The following CCDC91 variants were observed in gnomAD, a reference collection of about 807,000 sequenced individuals.
The protein encoded by CCDC91 is coiled-coil domain-containing protein 91.
A neutral mutation model predicts 63.2 loss-of-function variants in CCDC91; 48 were observed. The observed-to-expected ratio is 0.76, with a 90% CI of 0.60 to 0.97. The LOEUF (loss-of-function observed/expected upper bound fraction) is 0.97. CCDC91 is among the 50% of genes least tolerant of loss of function. The pLI, the probability that CCDC91 is intolerant of heterozygous loss-of-function variation, is 0.00. For synonymous variants in CCDC91, 167 were observed against 165.8 expected (o/e 1.01, Z -0.06); for missense variants, 500 against 494.6 (o/e 1.01, Z -0.10).
At chr12:28,268,963 G>A (rs1947550414) in intron 3 of CCDC91, among the ~76,000 whole-genome samples, 1 of 152,002 alleles carries the variant, frequency 6.6e-6, no homozygotes, top group Admixed American at 6.6e-5. Flanking sequence ...AACAGTAAAT[G>A]CTTTTGCTGT....
intron 7 of CCDC91, among the ~76,000 whole-genome samples, chr12:28,390,438 G>A (rs1303675307): frequency 6.6e-6 from 1 of 151,956 alleles, no homozygotes; most frequent in Non-Finnish European, 1.5e-5. Context: ...GAATGATTTA[G>A]AGTTTATAAA....
intron 8 of CCDC91, among the ~76,000 whole-genome samples, chr12:28,426,311 C>T (rs13377647): frequency 4.7e-4 from 71 of 152,014 alleles, no homozygotes; most frequent in African/African-American, 1.6e-3. Flanking sequence ...ATTTATGCTG[C>T]GGTAGTGTTC....
chr12:28,248,241 G>A (rs1945888444), intron 1 of CCDC91, among the ~76,000 whole-genome samples: 1 of 152,166 alleles, frequency 6.6e-6, no homozygotes, highest in Non-Finnish European at 1.5e-5. Flanking sequence ...AGGTTGGTGG[G>A]GGAGATGTTG....
At chr12:28,289,573 T>C (rs60134366) in intron 3 of CCDC91, among the ~76,000 whole-genome samples, 71 of 152,252 alleles carry the variant, frequency 4.7e-4, no homozygotes, top group African/African-American at 1.7e-3. Context: ...TCTTTTGCAT[T>C]TGTTGAGGAG....
At chr12:28,455,744 G>A (rs542002907) in intron 11 of CCDC91, among the ~76,000 whole-genome samples, 10 of 152,124 alleles carry the variant, frequency 6.6e-5, no homozygotes, top group African/African-American at 2.4e-4. Context: ...ACTGGTGGTG[G>A]TGGAGATGGC....
intron 3 of CCDC91, among the ~76,000 whole-genome samples, chr12:28,267,672 T>C (rs1304391033): frequency 6.9e-5 from 1 of 14,450 alleles, no homozygotes; most frequent in African/African-American, 7.8e-5. Flanking sequence ...ATATTAATTA[T>C]ATTATATGTT....
chr12:28,362,222 CTT>C (rs1294693597), intron 6 of CCDC91, among the ~76,000 whole-genome samples: 11 of 149,898 alleles, frequency 7.3e-5, no homozygotes, highest in South Asian at 4.2e-4. Context: ...TCCTTTTTCT[CTT>C]GTTTCCCTTT....
intron 6 of CCDC91, among the ~76,000 whole-genome samples, chr12:28,311,054 C>G (rs1209116536): frequency 6.6e-6 from 1 of 151,850 alleles, no homozygotes; most frequent in African/African-American, 2.4e-5. Context: ...TTTAGCAGGC[C>G]TCATCTGATA....
chr12:28,388,900 A>C (rs1945771276), intron 7 of CCDC91, among the ~76,000 whole-genome samples: 2 of 152,160 alleles, frequency 1.3e-5, no homozygotes, highest in South Asian at 4.1e-4. Context: ...AAACTATAAA[A>C]ATTCTGAAAG....
Position 28,217,056 on chromosome 12 carries a change from A to G in CCDC91, c.-15+26415A>G, listed in dbSNP as rs371073777. Among the ~76,000 whole-genome samples, 27 of 152,230 alleles carry G rather than the reference A, an allele frequency of 1.8e-4. No individual in the cohort carries two copies. The East Asian group carries it at 4.2e-3, about 24-fold the overall frequency. On this transcript the variant is annotated intron_variant, in intron 1 of 12. Coordinates refer to ENST00000536442, the MANE Select transcript of CCDC91 (RefSeq NM_018318.5). ...AGCAATAACAATGAACATTATTACT[A>G]CTGCTTCCCTGTTACCCATAGTGTA...
intron 6 of CCDC91, among the ~76,000 whole-genome samples, chr12:28,315,647 A>G (rs978096451): frequency 6.6e-6 from 1 of 152,024 alleles, no homozygotes; most frequent in African/African-American, 2.4e-5. Context: ...AAAGTTTCAA[A>G]AAATGCTAAA....
At chr12:28,444,984 T>G (rs1262761246) in intron 8 of CCDC91, among the ~76,000 whole-genome samples, 2 of 152,360 alleles carry the variant, frequency 1.3e-5, no homozygotes, top group African/African-American at 2.4e-5. Flanking sequence ...CTCACTTCTT[T>G]ATTAGCTAAA....
chr12:28,412,691 G>A (rs1243020680), intron 8 of CCDC91: 1 of 450,190 alleles, frequency 2.2e-6, no homozygotes, highest in Non-Finnish European at 4.4e-6. Context: ...GCTGCTGCTG[G>A]CTGGGGTGGT....
chr12:28,302,797 CTA>C (rs1322875533), intron 3 of CCDC91: 1 of 178,510 alleles, frequency 5.6e-6, no homozygotes, highest in Admixed American at 6.5e-5. Context: ...CTGAATGAAA[CTA>C]TCTGGTAGTA....
intron 8 of CCDC91, among the ~76,000 whole-genome samples, chr12:28,394,232 C>T (rs1466515129): frequency 6.6e-6 from 1 of 152,026 alleles, no homozygotes; most frequent in Admixed American, 6.5e-5. Context: ...TTTGGGAGGC[C>T]ACGGCGGGCC....
intron 3 of CCDC91, among the ~76,000 whole-genome samples, chr12:28,303,734 T>C (rs539443966): frequency 1.4e-4 from 21 of 152,256 alleles, no homozygotes; most frequent in African/African-American, 4.8e-4. Context: ...GCAAAATCTC[T>C]GCCCATTTTA....
At position 28,362,542 on chromosome 12, in the gene CCDC91, T is replaced by C. The variant is rs373307804; in HGVS notation, c.654+27T>C. On this transcript the variant is annotated intron_variant, in intron 7 of 12. Coordinates refer to ENST00000536442, the MANE Select transcript of CCDC91 (RefSeq NM_018318.5). ...TAGAGGTTTGAGAGTGTTTACTTTT[T>C]TAAACCTTGGATAACTTTAGTAAAA... The C allele has an allele frequency of 7.8e-5, 113 of 1,456,982 alleles. 1 individual carries two copies. In the African/African-American group the frequency reaches 9.0e-4, roughly 12 times the overall value. The allele number at this position is 1,456,982 out of a possible 1,614,324, so 90.3% of individuals were successfully genotyped here.
chr12:28,529,012 T>TA (rs1199419064), intron 12 of CCDC91, among the ~76,000 whole-genome samples: 2 of 152,030 alleles, frequency 1.3e-5, no homozygotes, highest in Admixed American at 1.3e-4. Flanking sequence ...TTTCTATGTA[T>TA]ATGTATGTAT....
At chr12:28,199,467 A>G (rs1942041671) in intron 1 of CCDC91, among the ~76,000 whole-genome samples, 2 of 152,104 alleles carry the variant, frequency 1.3e-5, no homozygotes, top group South Asian at 2.1e-4. Flanking sequence ...ATCACATAGG[A>G]GAAAAGAGCC....
Sources: gnomAD v4.1 joint callset for allele counts (sites outside exome capture counted in the v4.1 genomes callset) on GRCh38, gnomAD v4.1.1 for gene constraint, MANE v1.5 for transcripts, NCBI Gene and HGNC (gene_info 2026-07-23, HGNC 2026-07-21) for gene names.